The following ANKFN1 variants were observed in gnomAD, a reference collection of about 807,000 sequenced individuals.
ANKFN1 encodes ankyrin repeat and fibronectin type-III domain-containing protein 1.
ANKFN1 carries 74 observed loss-of-function variants against 108.7 expected under a neutral mutation model. The ratio of observed to expected loss-of-function variants is 0.68; its 90% CI spans 0.56 to 0.83. The LOEUF (loss-of-function observed/expected upper bound fraction) is 0.83. Among genes scored for constraint, ANKFN1 ranks in the 40% least tolerant of loss-of-function variants. The pLI, the probability that ANKFN1 is intolerant of heterozygous loss-of-function variation, is 0.00. For synonymous variants in ANKFN1, 547 were observed against 516.2 expected (o/e 1.06, Z -0.81); for missense variants, 1,505 against 1,382.3 (o/e 1.09, Z -1.41).
At chr17:56,323,582 GGATTAAT>G (rs2045432020) in intron 3 of ANKFN1, 1 of 152,560 alleles carries the variant, frequency 6.6e-6, no homozygotes, top group Non-Finnish European at 1.5e-5. Context: ...TAATCCAGAA[GGATTAAT>G]TGGAGGAGGC....
At chr17:56,259,661 G>A (rs1351611900) in intron 3 of ANKFN1, among the ~76,000 whole-genome samples, 2 of 152,066 alleles carry the variant, frequency 1.3e-5, no homozygotes, top group African/African-American at 4.8e-5. Flanking sequence ...GCATCACAGA[G>A]GATGGAGAAA....
rs2051779427 is a variant in ANKFN1 at position 56,511,727 on chromosome 17, T to A, written c.*458T>A. The A allele has an allele frequency of 6.5e-6, 1 of 154,952 alleles. No individual in the cohort carries two copies. The highest frequency in any genetic ancestry group is 2.4e-5 in the African/African-American group (1 of 41,480). The allele number at this position is 154,952 out of a possible 1,614,324, so 9.6% of individuals were successfully genotyped here. ...TCCATTCCAAACCTTAAGAAGAGTT[T>A]GAGGGAAAGACACCAGGTTGTGTCT... On this transcript the variant is annotated 3_prime_UTR_variant, in exon 21 of 21. Coordinates refer to ENST00000682825, the MANE Select transcript of ANKFN1 (RefSeq NM_001370326.1).
In ANKFN1 at chr17:56,511,312, GCGTT is replaced by G. The variant is rs1357897397; in HGVS notation, c.*44_*47del. Reference sequence around the variant, plus strand: ...GTCCACCCCTCCATGGCTGCTACCTGCGTTTTACATCACCCTTACCCCCATCCTG... The same window carrying G: ...GTCCACCCCTCCATGGCTGCTACCTGTTACATCACCCTTACCCCCATCCTG... On this transcript the variant is annotated 3_prime_UTR_variant, in exon 21 of 21. Coordinates refer to ENST00000682825, the MANE Select transcript of ANKFN1 (RefSeq NM_001370326.1). 6.8e-7 allele frequency: 1 copy of G among 1,466,702 alleles called. No homozygotes were observed. Among genetic ancestry groups the G allele is most frequent in the Non-Finnish European group, 9.0e-7 (1 of 1,107,078 alleles). 90.9% of individuals were successfully genotyped at this position (1,466,702 alleles called of 1,614,324 possible).
At chr17:56,324,210 T>C (rs2045452420) in intron 3 of ANKFN1, among the ~76,000 whole-genome samples, 1 of 152,178 alleles carries the variant, frequency 6.6e-6, no homozygotes, top group South Asian at 2.1e-4. Flanking sequence ...AGCCAGAATA[T>C]GGGAAATTTT....
chr17:56,430,734 G>C (rs1224269910), intron 8 of ANKFN1, among the ~76,000 whole-genome samples: 1 of 152,174 alleles, frequency 6.6e-6, no homozygotes, highest in Non-Finnish European at 1.5e-5. Flanking sequence ...GCATATGCTA[G>C]CTGCTGAGGA....
intron 8 of ANKFN1, among the ~76,000 whole-genome samples, chr17:56,389,008 CA>C (rs61666228): frequency 0.073 from 6,733 of 92,862 alleles, 164 homozygotes; most frequent in Non-Finnish European, 0.092. Flanking sequence ...TTGGCAATTT[CA>C]AAAAAAAAAA....
chr17:56,393,047 A>G (rs1278492350), intron 8 of ANKFN1, among the ~76,000 whole-genome samples: 1 of 152,100 alleles, frequency 6.6e-6, no homozygotes, highest in Non-Finnish European at 1.5e-5. Flanking sequence ...GTTCCAGGCT[A>G]TAAAATATCC....
At chr17:56,130,932 G>C (rs965064177) in intron 4 of ANKFN1, among the ~76,000 whole-genome samples, 9 of 143,198 alleles carry the variant, frequency 6.3e-5, no homozygotes, top group African/African-American at 2.2e-4. Context: ...CTTCTAACTT[G>C]AGTTTTTTTT....
At chr17:56,319,142 G>A (rs1299661334) in intron 3 of ANKFN1, among the ~76,000 whole-genome samples, 4 of 152,152 alleles carry the variant, frequency 2.6e-5, no homozygotes, top group Admixed American at 1.3e-4. Flanking sequence ...TTATCCTTCA[G>A]TATTTTGACT....
intron 8 of ANKFN1, among the ~76,000 whole-genome samples, chr17:56,386,431 C>A (rs1315697758): frequency 1.3e-5 from 2 of 151,540 alleles, no homozygotes; most frequent in Non-Finnish European, 2.9e-5. Context: ...TGTAACTAAC[C>A]TGCACATTGT....
intron 8 of ANKFN1, among the ~76,000 whole-genome samples, chr17:56,379,864 T>C (rs1425576774): frequency 6.6e-6 from 1 of 152,256 alleles, no homozygotes; most frequent in Non-Finnish European, 1.5e-5. Context: ...ACTGTCCCAT[T>C]GATCTGTCTA....
chr17:56,102,480 C>A (rs900694020), intron 4 of ANKFN1, among the ~76,000 whole-genome samples: 2 of 152,128 alleles, frequency 1.3e-5, no homozygotes, highest in African/African-American at 4.8e-5. Flanking sequence ...TGGTTAAATT[C>A]TTGAATTTGT....
intron 3 of ANKFN1, among the ~76,000 whole-genome samples, chr17:56,306,758 C>T (rs2044839851): frequency 6.6e-6 from 1 of 152,146 alleles, no homozygotes; most frequent in Non-Finnish European, 1.5e-5. Flanking sequence ...AAAAAAGAGC[C>T]CACATTGCCA....
In ANKFN1 at chr17:56,443,176, CTT is replaced by C. The variant is rs148469505; in HGVS notation, c.1099+244_1099+245del. Among the ~76,000 whole-genome samples, 590 of 152,284 alleles carry C rather than the reference CTT, an allele frequency of 3.9e-3. 4 individuals carry two copies. The highest frequency in any genetic ancestry group is 0.013 in the African/African-American group (551 of 41,562). On this transcript the variant is annotated intron_variant, in intron 10 of 20. Coordinates refer to ENST00000682825, the MANE Select transcript of ANKFN1 (RefSeq NM_001370326.1). ...GCTGAATTTGATACCCATTATGCCTCTTATCATCTGTGTGGCCTTCAAAAGTT... is the reference window on the plus strand; with the variant it reads ...GCTGAATTTGATACCCATTATGCCTCATCATCTGTGTGGCCTTCAAAAGTT...
intron 3 of ANKFN1, among the ~76,000 whole-genome samples, chr17:56,266,622 C>T (rs1381982600): frequency 1.3e-5 from 2 of 151,872 alleles, no homozygotes. Flanking sequence ...GACATTCCTA[C>T]AAGGAGCTAT....
intron 10 of ANKFN1, among the ~76,000 whole-genome samples, chr17:56,447,398 C>A (rs2049334622): frequency 6.6e-6 from 1 of 152,144 alleles, no homozygotes; most frequent in Non-Finnish European, 1.5e-5. Flanking sequence ...AAACTCCAAC[C>A]AAGCTTCTGA....
rs549242399 is a variant in ANKFN1, at chr17:56,071,620, T to TTTTG, written c.288+25315_288+25318dup. Among the ~76,000 whole-genome samples, 60 of 152,334 alleles carry TTTTG rather than the reference T, an allele frequency of 3.9e-4. No individual in the cohort carries two copies. The South Asian group carries it at 6.4e-3, about 16-fold the overall frequency. Reference sequence around the variant, plus strand: ...AGTGGACAAAAGGTGGCTTCTTGTTTTTTGTTTGTTTGTTTGTTTGTTTTT... The same window carrying TTTTG: ...AGTGGACAAAAGGTGGCTTCTTGTTTTTTGTTTGTTTGTTTGTTTGTTTGTTTTT... On this transcript the variant is annotated intron_variant, in intron 4 of 12. Coordinates refer to the ANKFN1 transcript ENST00000635860.
At chr17:56,076,111 G>T (rs1905177987) in intron 4 of ANKFN1, among the ~76,000 whole-genome samples, 1 of 152,070 alleles carries the variant, frequency 6.6e-6, no homozygotes, top group Admixed American at 6.6e-5. Flanking sequence ...CTTCTGTAAG[G>T]TCCATTCTGT....
chr17:56,259,885 T>C (rs2043461276), intron 3 of ANKFN1, among the ~76,000 whole-genome samples: 1 of 149,942 alleles, frequency 6.7e-6, no homozygotes, highest in South Asian at 2.1e-4. Context: ...AAAGAGTTGG[T>C]ATCACTCCCC....
Sources: gnomAD v4.1 joint callset for allele counts (sites outside exome capture counted in the v4.1 genomes callset) on GRCh38, gnomAD v4.1.1 for gene constraint, MANE v1.5 for transcripts, NCBI Gene and HGNC (gene_info 2026-07-23, HGNC 2026-07-21) for gene names.